The following FGD4 variants were observed in gnomAD, a reference collection of about 807,000 sequenced individuals.
FGD4 encodes FYVE, RhoGEF and PH domain containing 4, also known as FYVE, RhoGEF and PH domain-containing protein 4.
A neutral mutation model predicts 102.0 loss-of-function variants in FGD4; 42 were observed. That is an observed-to-expected ratio of 0.41 (90% CI 0.32 to 0.53). The LOEUF is 0.53. Among genes scored for constraint, FGD4 ranks in the 20% least tolerant of loss-of-function variants. The pLI, the probability that FGD4 is intolerant of heterozygous loss-of-function variation, is 0.21. For synonymous variants in FGD4, 380 were observed against 375.7 expected (o/e 1.01, Z -0.13); for missense variants, 902 against 1,078.2 (o/e 0.84, Z 2.29).
chr12:32,573,202 TCTC>T (rs1945826082), intron 2 of FGD4, among the ~76,000 whole-genome samples: 1 of 152,156 alleles, frequency 6.6e-6, no homozygotes, highest in African/African-American at 2.4e-5. Flanking sequence ...TTCACGCCAT[TCTC>T]CTGCTTCAGC....
rs1209769365 is a variant in FGD4 at position 32,641,356 on chromosome 12, G to A, written c.*823G>A. 2 of 152,110 alleles carry A rather than the reference G, an allele frequency of 1.3e-5. No individual in the cohort carries two copies. The highest frequency in any genetic ancestry group is 1.5e-5 in the Non-Finnish European group (1 of 68,016). 9.4% of individuals were successfully genotyped at this position (152,110 alleles called of 1,614,324 possible). A position where few individuals can be genotyped will look rare whatever the true frequency, so the allele number is the denominator to read the frequency against. ...AATTTATGTGGCATGGGATATATTTGTGAATTCCAACAGTACTTTTAAAGT... is the reference window on the plus strand; with the variant it reads ...AATTTATGTGGCATGGGATATATTTATGAATTCCAACAGTACTTTTAAAGT... On this transcript the variant is annotated 3_prime_UTR_variant, in exon 17 of 17. Coordinates refer to ENST00000534526, the MANE Select transcript of FGD4 (RefSeq NM_001370298.3).
At chr12:32,600,791 T>C (rs1592363212) in intron 5 of FGD4, among the ~76,000 whole-genome samples, 1 of 152,146 alleles carries the variant, frequency 6.6e-6, no homozygotes, top group Non-Finnish European at 1.5e-5. Context: ...AATCATGATG[T>C]TCCCCTTTCC....
At chr12:32,497,041 G>A (rs770891021) in intron 1 of FGD4, among the ~76,000 whole-genome samples, 1 of 151,864 alleles carries the variant, frequency 6.6e-6, no homozygotes, top group Non-Finnish European at 1.5e-5. Context: ...TTTTTTGATG[G>A]TTGGACTTGA....
intron 4 of FGD4, among the ~76,000 whole-genome samples, chr12:32,590,309 T>TAAAAAAAA: frequency 1.2e-5 from 1 of 80,516 alleles, no homozygotes; most frequent in Non-Finnish European, 2.5e-5. Flanking sequence ...AGACTTCATC[T>TAAAAAAAA]AAAAAAAAAA....
At position 32,640,715 on chromosome 12, in the gene FGD4, A is replaced by G; in HGVS notation, c.*182A>G. 1.2e-6 allele frequency: 1 copy of G among 834,646 alleles called. No homozygotes were observed. Among genetic ancestry groups the G allele is most frequent in the Non-Finnish European group, 1.8e-6 (1 of 544,856 alleles). The allele number at this position is 834,646 out of a possible 1,614,324, so 51.7% of individuals were successfully genotyped here. A position where few individuals can be genotyped will look rare whatever the true frequency, so the allele number is the denominator to read the frequency against. Reference sequence around the variant, plus strand: ...TGAAATTAGTGTGCAGAGTCATTCTACCGATAAAGTTTTGAAATAATGTGA... The same window carrying G: ...TGAAATTAGTGTGCAGAGTCATTCTGCCGATAAAGTTTTGAAATAATGTGA... On this transcript the variant is annotated 3_prime_UTR_variant, in exon 17 of 17. Coordinates refer to ENST00000534526, the MANE Select transcript of FGD4 (RefSeq NM_001370298.3).
At chr12:32,580,886 CAAA>C (rs533419575) in intron 3 of FGD4, among the ~76,000 whole-genome samples, 7 of 72,124 alleles carry the variant, frequency 9.7e-5, no homozygotes, top group African/African-American at 4.8e-5. Flanking sequence ...GACTCCGTCT[CAAA>C]AAAAAAAAAA....
At chr12:32,504,557 T>A (rs1367565239) in intron 1 of FGD4, among the ~76,000 whole-genome samples, 1 of 152,252 alleles carries the variant, frequency 6.6e-6, no homozygotes, top group Non-Finnish European at 1.5e-5. Context: ...AGGTGCTAGA[T>A]GTCTGAGGTG....
At position 32,625,789 on chromosome 12, in the gene FGD4, A is replaced by T; in HGVS notation, c.2172+10A>T. On this transcript the variant is annotated intron_variant, in intron 14 of 16. Transcript: ENST00000534526. ...TCGAGCATGTGGATATGTAAGTGAG[A>T]TTTCTTGATCATTAAGGTTGCTAGT... The T allele has an allele frequency of 6.2e-7, 1 of 1,613,830 alleles. No individual in the cohort carries two copies. The highest frequency in any genetic ancestry group is 8.5e-7 in the Non-Finnish European group (1 of 1,179,858).
chr12:32,512,221 C>T (rs1238754632), intron 1 of FGD4, among the ~76,000 whole-genome samples: 6 of 151,860 alleles, frequency 4.0e-5, no homozygotes, highest in South Asian at 2.1e-4. Context: ...CTGAGGCTGG[C>T]GGATCATCTG....
chr12:32,616,569 A>G (rs73083489), intron 10 of FGD4, among the ~76,000 whole-genome samples: 25,097 of 152,036 alleles, frequency 0.17, 2,519 homozygotes, highest in African/African-American at 0.28. Flanking sequence ...TTCCCATGGA[A>G]CCTCTTGTTC....
intron 1 of FGD4, among the ~76,000 whole-genome samples, chr12:32,403,667 G>T (rs1940788635): frequency 6.7e-6 from 1 of 149,934 alleles, no homozygotes; most frequent in Non-Finnish European, 1.5e-5. Flanking sequence ...TGCAATCTTG[G>T]CTCACTGCAA....
chr12:32,521,078 C>A (rs1160765383), intron 1 of FGD4, among the ~76,000 whole-genome samples: 1 of 152,116 alleles, frequency 6.6e-6, no homozygotes, highest in Non-Finnish European at 1.5e-5. Flanking sequence ...CAGACAGGGT[C>A]CCTGTCCTCT....
At chr12:32,577,080 G>GA (rs1946185737) in intron 3 of FGD4, among the ~76,000 whole-genome samples, 1 of 151,926 alleles carries the variant, frequency 6.6e-6, no homozygotes, top group African/African-American at 2.4e-5. Context: ...CCAATGTTTG[G>GA]AAAAAACAAA....
At chr12:32,477,418 C>A (rs936436503) in intron 1 of FGD4, 1 of 152,364 alleles carries the variant, frequency 6.6e-6, no homozygotes, top group Non-Finnish European at 1.5e-5. Flanking sequence ...GCATGTCATC[C>A]TTGTATTCTC....
At chr12:32,464,272 C>T (rs1163405675) in intron 1 of FGD4, among the ~76,000 whole-genome samples, 1 of 152,170 alleles carries the variant, frequency 6.6e-6, no homozygotes, top group Non-Finnish European at 1.5e-5. Context: ...CCTGCCTCAG[C>T]CTCCCAAGTA....
intron 1 of FGD4, among the ~76,000 whole-genome samples, chr12:32,415,414 CTTTTTTTTTTTTTT>C (rs34612851): frequency 2.8e-4 from 25 of 89,624 alleles, no homozygotes; most frequent in African/African-American, 1.1e-3. Flanking sequence ...ATCTGTCTCT[CTTTTTTTTTTTTTT>C]TTTTTTTTTT....
chr12:32,493,810 C>T (rs1320833573), intron 1 of FGD4, among the ~76,000 whole-genome samples: 2 of 152,080 alleles, frequency 1.3e-5, no homozygotes, highest in Admixed American at 6.5e-5. Flanking sequence ...GCAGTGATAC[C>T]TTAAACAACA....
At chr12:32,509,241 C>CTTTTTTTTTT (rs35053299) in intron 1 of FGD4, among the ~76,000 whole-genome samples, 1 of 132,690 alleles carries the variant, frequency 7.5e-6, no homozygotes. Flanking sequence ...CTTTTATTCT[C>CTTTTTTTTTT]TTTTTTTTTT....
intron 1 of FGD4, among the ~76,000 whole-genome samples, chr12:32,492,640 T>G (rs528511594): frequency 6.6e-6 from 1 of 152,198 alleles, no homozygotes; most frequent in Non-Finnish European, 1.5e-5. Flanking sequence ...ATATGCTGCT[T>G]TATAAACATA....
Sources: gnomAD v4.1 joint callset for allele counts (sites outside exome capture counted in the v4.1 genomes callset) on GRCh38, gnomAD v4.1.1 for gene constraint, MANE v1.5 for transcripts, NCBI Gene and HGNC (gene_info 2026-07-23, HGNC 2026-07-21) for gene names.